Variants in SLC6A11 observed in about 807,000 individuals in gnomAD.
SLC6A11 encodes the protein solute carrier family 6 member 11.
Under a neutral mutation model 74.8 loss-of-function variants are expected in SLC6A11, and 25 were observed. That is an observed-to-expected ratio of 0.33 (90% CI 0.24 to 0.47). SLC6A11 has a LOEUF of 0.47. Ranked by LOEUF, SLC6A11 falls within the 20% of genes least tolerant of loss-of-function variation. SLC6A11 has a pLI of 1.00. For synonymous variants in SLC6A11, 330 were observed against 330.2 expected (o/e 1.00, Z 0.01); for missense variants, 574 against 837.0 (o/e 0.69, Z 3.88).
chr3:10,843,746 C>T lies in SLC6A11; in HGVS notation c.624-468C>T, dbSNP rs114669855. Among the ~76,000 whole-genome samples, 703 of 152,190 alleles carry T rather than the reference C, an allele frequency of 4.6e-3. 5 individuals carry two copies. Among genetic ancestry groups the T allele is most frequent in the South Asian group, 9.5e-3 (46 of 4,820 alleles). Reference sequence around the variant, plus strand: ...TGACAGGAGAGTTAGGGAGAAGAGACGATGGAGAACCATGCCACCAGTTTC... The same window carrying T: ...TGACAGGAGAGTTAGGGAGAAGAGATGATGGAGAACCATGCCACCAGTTTC... On this transcript the variant is annotated intron_variant, in intron 4 of 13. Transcript: ENST00000254488.
chr3:10,883,905 G>A (rs1328134721), intron 6 of SLC6A11, among the ~76,000 whole-genome samples: 1 of 152,134 alleles, frequency 6.6e-6, no homozygotes. Context: ...TCCTTTCAAT[G>A]TATTTGTTCC....
intron 6 of SLC6A11, among the ~76,000 whole-genome samples, chr3:10,883,296 C>G (rs1395493786): frequency 6.6e-6 from 1 of 152,204 alleles, no homozygotes; most frequent in African/African-American, 2.4e-5. Flanking sequence ...CAAAATTTTA[C>G]TTTCTGTCTT....
At chr3:10,938,178 G>A (rs1695780327) in intron 13 of SLC6A11, 72 bp from the exon 14 acceptor site, 2 of 1,420,898 alleles carry the variant, frequency 1.4e-6, no homozygotes, top group Non-Finnish European at 9.5e-7. Flanking sequence ...CGTGTGCTTG[G>A]GAGAGGCCAC....
intron 3 of SLC6A11, among the ~76,000 whole-genome samples, chr3:10,821,967 C>A (rs1471815467): frequency 6.6e-6 from 1 of 152,174 alleles, no homozygotes; most frequent in African/African-American, 2.4e-5. Flanking sequence ...TGACTGAGGA[C>A]CCCCAGACCA....
At chr3:10,914,579 A>G (rs1463112659) in intron 7 of SLC6A11, among the ~76,000 whole-genome samples, 1 of 152,092 alleles carries the variant, frequency 6.6e-6, no homozygotes, top group East Asian at 1.9e-4. Flanking sequence ...TTTGGGTGAG[A>G]GGTATTTGGG....
chr3:10,883,837 A>C (rs138413089), intron 6 of SLC6A11, among the ~76,000 whole-genome samples: 1 of 152,176 alleles, frequency 6.6e-6, no homozygotes, highest in African/African-American at 2.4e-5. Flanking sequence ...AATATTGCAA[A>C]GTAGTGGCCC....
chr3:10,838,667 T>G (rs1411279083), intron 4 of SLC6A11, among the ~76,000 whole-genome samples: 1 of 152,168 alleles, frequency 6.6e-6, no homozygotes, highest in African/African-American at 2.4e-5. Context: ...GAGAATCACT[T>G]GAACCCAGGA....
intron 5 of SLC6A11, among the ~76,000 whole-genome samples, chr3:10,852,880 A>G (rs577210633): frequency 6.6e-6 from 1 of 152,348 alleles, no homozygotes; most frequent in Admixed American, 6.5e-5. Context: ...GAACGGTAAA[A>G]GAATGATTAG....
At chr3:10,832,658 C>A (rs915304523) in intron 4 of SLC6A11, among the ~76,000 whole-genome samples, 6 of 152,172 alleles carry the variant, frequency 3.9e-5, no homozygotes, top group Non-Finnish European at 8.8e-5. Flanking sequence ...AATTGAGTCT[C>A]CTCCTGCTAG....
chr3:10,832,619 C>G (rs1343475631), intron 4 of SLC6A11, among the ~76,000 whole-genome samples: 2 of 152,200 alleles, frequency 1.3e-5, no homozygotes, highest in Non-Finnish European at 2.9e-5. Flanking sequence ...TCTCCCCAGC[C>G]CTGCTCTCTA....
At chr3:10,862,233 T>G (rs1694710909) in intron 5 of SLC6A11, among the ~76,000 whole-genome samples, 1 of 152,216 alleles carries the variant, frequency 6.6e-6, no homozygotes, top group Non-Finnish European at 1.5e-5. Flanking sequence ...TTAGCCAAGG[T>G]TCCGAGTATG....
At chr3:10,934,016 A>G (rs758355000) in intron 11 of SLC6A11, 50 bp from the exon 12 acceptor site, 38 of 1,305,454 alleles carry the variant, frequency 2.9e-5, no homozygotes, top group Non-Finnish European at 4.2e-5. Context: ...TGACTCATGT[A>G]CAAAACTTCT....
chr3:10,874,347 C>G (rs1694882733), intron 5 of SLC6A11, among the ~76,000 whole-genome samples: 1 of 152,178 alleles, frequency 6.6e-6, no homozygotes, highest in African/African-American at 2.4e-5. Context: ...ATCACGGGCA[C>G]TCAGTAGACA....
intron 5 of SLC6A11, among the ~76,000 whole-genome samples, chr3:10,849,825 A>T (rs1034519578): frequency 7.1e-6 from 1 of 140,730 alleles, no homozygotes. Context: ...AAAAAAAACG[A>T]AAAAAAACCC....
intron 6 of SLC6A11, among the ~76,000 whole-genome samples, chr3:10,909,952 C>T (rs185001181): frequency 6.6e-6 from 1 of 152,176 alleles, no homozygotes; most frequent in Non-Finnish European, 1.5e-5. Flanking sequence ...TTGTATTTAC[C>T]CTTTTACTAC....
chr3:10,824,310 T>C (rs1277740162), intron 4 of SLC6A11: 2 of 152,204 alleles, frequency 1.3e-5, no homozygotes, highest in East Asian at 1.9e-4. Flanking sequence ...TTCTGAAGCT[T>C]TTCAATCTAA....
chr3:10,928,755 A>C (rs1357582755), intron 9 of SLC6A11, among the ~76,000 whole-genome samples: 1 of 152,028 alleles, frequency 6.6e-6, no homozygotes, highest in African/African-American at 2.4e-5. Context: ...GACAGACCAG[A>C]GCCTGCCATC....
At chr3:10,859,708 G>A (rs560538999) in intron 5 of SLC6A11, among the ~76,000 whole-genome samples, 3 of 152,098 alleles carry the variant, frequency 2.0e-5, no homozygotes, top group Non-Finnish European at 4.4e-5. Context: ...ATTTTTAAGG[G>A]ACCTGTGTCT....
At chr3:10,825,340 T>TTA (rs1159579542) in intron 4 of SLC6A11, 5 of 152,234 alleles carry the variant, frequency 3.3e-5, no homozygotes, top group Non-Finnish European at 5.9e-5. Context: ...TTTCTCTAAT[T>TTA]ACTTGTGAGG....
Sources: allele counts gnomAD v4.1 joint callset (sites outside exome capture counted in the v4.1 genomes callset), GRCh38; gene constraint gnomAD v4.1.1; transcripts MANE v1.5; gene names NCBI Gene and HGNC (gene_info 2026-07-23, HGNC 2026-07-21).